NXPH1: variants seen among roughly 807,000 people sequenced by gnomAD.
NXPH1 encodes neurexophilin 1.
A neutral mutation model predicts 23.7 loss-of-function variants in NXPH1; 5 were observed. The observed-to-expected ratio is 0.21, with a 90% CI of 0.11 to 0.44. NXPH1 has a LOEUF of 0.44. Among genes scored for constraint, NXPH1 ranks in the 20% least tolerant of loss-of-function variants. The pLI, the probability that NXPH1 is intolerant of heterozygous loss-of-function variation, is 0.99. For missense variants in NXPH1, 324 were observed against 321.6 expected (o/e 1.01, Z -0.06); for synonymous variants, 144 against 122.2 (o/e 1.18, Z -1.18).
intron 2 of NXPH1, among the ~76,000 whole-genome samples, chr7:8,601,756 C>T (rs566996640): frequency 6.6e-6 from 1 of 152,262 alleles, no homozygotes; most frequent in South Asian, 2.1e-4. Flanking sequence ...ATGAGAAACT[C>T]CTTCACTTCC....
At chr7:8,570,057 T>C (rs1041336531) in intron 2 of NXPH1, among the ~76,000 whole-genome samples, 6 of 151,898 alleles carry the variant, frequency 4.0e-5, no homozygotes, top group Non-Finnish European at 7.4e-5. Context: ...TGTCTTTACC[T>C]CACTTAACAA....
At chr7:8,452,126 C>T (rs1327770665) in intron 2 of NXPH1, among the ~76,000 whole-genome samples, 4 of 152,222 alleles carry the variant, frequency 2.6e-5, no homozygotes. Flanking sequence ...GGAAATGGAA[C>T]TTTGTCAGTG....
At chr7:8,510,663 A>G (rs1184392948) in intron 2 of NXPH1, among the ~76,000 whole-genome samples, 1 of 152,280 alleles carries the variant, frequency 6.6e-6, no homozygotes, top group Middle Eastern at 3.4e-3. Flanking sequence ...AGAATTATAC[A>G]AATACATAGT....
At chr7:8,486,000 T>G (rs1817153060) in intron 2 of NXPH1, among the ~76,000 whole-genome samples, 1 of 152,176 alleles carries the variant, frequency 6.6e-6, no homozygotes, top group African/African-American at 2.4e-5. Context: ...CTTTCCAGCC[T>G]GACTTATGAA....
At chr7:8,535,641 C>T (rs759514092) in intron 2 of NXPH1, among the ~76,000 whole-genome samples, 18 of 151,906 alleles carry the variant, frequency 1.2e-4, no homozygotes, top group South Asian at 1.0e-3. Context: ...AAAATCCTAA[C>T]TATATGCCAT....
intron 2 of NXPH1, among the ~76,000 whole-genome samples, chr7:8,711,188 G>A (rs370243848): frequency 6.6e-6 from 1 of 152,086 alleles, no homozygotes; most frequent in Non-Finnish European, 1.5e-5. Flanking sequence ...TACACCTGGA[G>A]AAGAAAACAA....
intron 2 of NXPH1, among the ~76,000 whole-genome samples, chr7:8,453,372 T>C (rs542356269): frequency 1.3e-5 from 2 of 152,190 alleles, no homozygotes; most frequent in South Asian, 4.1e-4. Flanking sequence ...ACATGCACAA[T>C]CACCAAAAAT....
chr7:8,482,828 G>T lies in NXPH1; in HGVS notation c.54+47061G>T, dbSNP rs143849349. ...GATAAGCGGGCCTTATCCCAGCATT[G>T]TGATGGATGGTGTCTTGGATAGAAT... On this transcript the variant is annotated intron_variant, in intron 2 of 2. Transcript: ENST00000405863. 8.2e-3 allele frequency among the ~76,000 whole-genome samples: 1,244 copies of T among 152,320 alleles called. 13 individuals carry two copies. The highest frequency in any genetic ancestry group is 0.028 in the African/African-American group (1,173 of 41,568).
chr7:8,573,143 G>T (rs982484995), intron 2 of NXPH1, among the ~76,000 whole-genome samples: 3 of 150,564 alleles, frequency 2.0e-5, no homozygotes, highest in African/African-American at 7.3e-5. Context: ...TTTCTGTCCT[G>T]CTATTTCACT....
At chr7:8,702,416 G>A (rs1238090346) in intron 2 of NXPH1, among the ~76,000 whole-genome samples, 3 of 152,038 alleles carry the variant, frequency 2.0e-5, no homozygotes, top group Non-Finnish European at 4.4e-5. Flanking sequence ...AATTAGCTAA[G>A]CTTCTGATGT....
chr7:8,522,608 C>T (rs1297185865), intron 2 of NXPH1, among the ~76,000 whole-genome samples: 1 of 152,100 alleles, frequency 6.6e-6, no homozygotes, highest in Non-Finnish European at 1.5e-5. Flanking sequence ...TTCAAGTCCT[C>T]ATTTTGTGAT....
Position 8,752,089 on chromosome 7 carries a change from TTGTC to T in NXPH1, c.*323_*326del, listed in dbSNP as rs1450729058. On this transcript the variant is annotated 3_prime_UTR_variant, in exon 3 of 3. Transcript: ENST00000405863. Reference sequence around the variant, plus strand: ...ATGATTCCTGTTGAGAGGGCTTTCATTGTCTGACTCATAATGGTTCAGGATCAAC... The same window carrying T: ...ATGATTCCTGTTGAGAGGGCTTTCATTGACTCATAATGGTTCAGGATCAAC... 1 of 244,664 alleles carries T rather than the reference TTGTC, an allele frequency of 4.1e-6. No homozygotes were observed. Among genetic ancestry groups the T allele is most frequent in the Non-Finnish European group, 8.0e-6 (1 of 124,348 alleles). 15.2% of individuals were successfully genotyped at this position (244,664 alleles called of 1,614,324 possible). A position where few individuals can be genotyped will look rare whatever the true frequency, so the allele number is the denominator to read the frequency against.
At chr7:8,590,170 C>T (rs1819062577) in intron 2 of NXPH1, among the ~76,000 whole-genome samples, 1 of 152,082 alleles carries the variant, frequency 6.6e-6, no homozygotes, top group East Asian at 1.9e-4. Context: ...CTGACACTAA[C>T]ATTTGGGGGC....
At chr7:8,471,152 C>T (rs1816865853) in intron 2 of NXPH1, among the ~76,000 whole-genome samples, 1 of 152,070 alleles carries the variant, frequency 6.6e-6, no homozygotes, top group Admixed American at 6.6e-5. Context: ...ATTTGAATGA[C>T]TTATGTGGAA....
intron 2 of NXPH1, among the ~76,000 whole-genome samples, chr7:8,473,133 A>G (rs995267071): frequency 2.0e-5 from 3 of 152,138 alleles, no homozygotes; most frequent in African/African-American, 7.2e-5. Flanking sequence ...AATCTTTCTT[A>G]CCATTTTCGT....
intron 2 of NXPH1, among the ~76,000 whole-genome samples, chr7:8,645,644 G>T (rs768626066): frequency 7.9e-5 from 12 of 151,524 alleles, no homozygotes; most frequent in Non-Finnish European, 1.5e-4. Context: ...CATGGTTTGG[G>T]CTTTTTGTAT....
chr7:8,673,357 T>C (rs188695837), intron 2 of NXPH1, among the ~76,000 whole-genome samples: 2 of 152,250 alleles, frequency 1.3e-5, no homozygotes, highest in East Asian at 1.9e-4. Context: ...TTCTCAGATA[T>C]AAGTTGAGGA....
intron 2 of NXPH1, among the ~76,000 whole-genome samples, chr7:8,580,799 C>T (rs1057204391): frequency 6.6e-6 from 1 of 152,092 alleles, no homozygotes; most frequent in African/African-American, 2.4e-5. Context: ...GCTTAAATTC[C>T]TTCCAGAGCA....
intron 2 of NXPH1, among the ~76,000 whole-genome samples, chr7:8,476,891 A>G (rs1321881169): frequency 6.6e-6 from 1 of 152,130 alleles, no homozygotes; most frequent in African/African-American, 2.4e-5. Context: ...ACCATATAGA[A>G]CTATTCCCAG....
Sources: gnomAD v4.1 joint callset for allele counts (sites outside exome capture counted in the v4.1 genomes callset) on GRCh38, gnomAD v4.1.1 for gene constraint, MANE v1.5 for transcripts, NCBI Gene and HGNC (gene_info 2026-07-23, HGNC 2026-07-21) for gene names.